Variants in HSDL2 observed in about 807,000 individuals in gnomAD.
HSDL2 encodes the protein hydroxysteroid dehydrogenase-like protein 2.
HSDL2 carries 27 observed loss-of-function variants against 46.3 expected under a neutral mutation model. The ratio of observed to expected loss-of-function variants is 0.58; its 90% CI spans 0.43 to 0.80. HSDL2 has a LOEUF of 0.80. Ranked by LOEUF, HSDL2 falls within the 30% of genes least tolerant of loss-of-function variation. HSDL2 has a pLI of 0.00. For synonymous variants in HSDL2, 153 were observed against 163.6 expected (o/e 0.94, Z 0.50); for missense variants, 451 against 502.7 (o/e 0.90, Z 0.98).
chr9:112,435,616 G>A (rs1832507822), intron 6 of HSDL2, among the ~76,000 whole-genome samples: 1 of 152,058 alleles, frequency 6.6e-6, no homozygotes, highest in Non-Finnish European at 1.5e-5. Context: ...CCTACCTCAG[G>A]GTTCTAAGAA....
At position 112,432,571 on chromosome 9, in the gene HSDL2, G is replaced by C. The variant is rs556114098; in HGVS notation, c.599-5860G>C. Among the ~76,000 whole-genome samples the C allele has an allele frequency of 2.0e-5, 3 of 152,312 alleles. No homozygotes were observed. The South Asian group carries it at 6.2e-4, about 32-fold the overall frequency. The stretch of plus-strand genomic sequence containing the variant: ...AATGTTCTGTATCAGGGAATATAGA[G>C]GGCATTATCTGGTCCAGCAGGAAAA... On this transcript the variant is annotated intron_variant, in intron 6 of 10. Transcript: ENST00000398805.
At chr9:112,397,387 A>T (rs1366157573) in intron 1 of HSDL2, among the ~76,000 whole-genome samples, 3 of 152,236 alleles carry the variant, frequency 2.0e-5, no homozygotes, top group African/African-American at 7.2e-5. Flanking sequence ...TAACATGCTA[A>T]CATACAAAGG....
At chr9:112,406,900 A>G (rs1278759982) in intron 3 of HSDL2, among the ~76,000 whole-genome samples, 1 of 152,160 alleles carries the variant, frequency 6.6e-6, no homozygotes, top group Non-Finnish European at 1.5e-5. Context: ...CTTTCATGGT[A>G]TTATAGTAGG....
At chr9:112,439,978 T>C (rs911350431) in intron 7 of HSDL2, among the ~76,000 whole-genome samples, 1 of 152,232 alleles carries the variant, frequency 6.6e-6, no homozygotes, top group African/African-American at 2.4e-5. Flanking sequence ...TTTGGCACAG[T>C]GCCCAGCATA....
intron 6 of HSDL2, among the ~76,000 whole-genome samples, chr9:112,427,008 C>T (rs1459632323): frequency 6.6e-6 from 1 of 152,142 alleles, no homozygotes; most frequent in African/African-American, 2.4e-5. Flanking sequence ...TTTAACTCCA[C>T]TTCTAACCTC....
intron 1 of HSDL2, among the ~76,000 whole-genome samples, chr9:112,387,036 T>G (rs1165967771): frequency 1.3e-5 from 2 of 152,102 alleles, no homozygotes; most frequent in Non-Finnish European, 2.9e-5. Flanking sequence ...AGGCCAACCA[T>G]AAGAAAAACT....
At chr9:112,456,744 T>C (rs1833038870) in intron 9 of HSDL2, among the ~76,000 whole-genome samples, 1 of 152,178 alleles carries the variant, frequency 6.6e-6, no homozygotes, top group Non-Finnish European at 1.5e-5. Context: ...CCTGAAAACG[T>C]CCAAAACAAC....
intron 6 of HSDL2, among the ~76,000 whole-genome samples, chr9:112,425,903 T>C (rs919015630): frequency 2.2e-5 from 3 of 138,394 alleles, no homozygotes; most frequent in African/African-American, 8.1e-5. Flanking sequence ...AGTTTTTCAG[T>C]TTTTGTGTGT....
intron 6 of HSDL2, among the ~76,000 whole-genome samples, chr9:112,420,537 G>A (rs1832096056): frequency 6.6e-6 from 1 of 151,514 alleles, no homozygotes; most frequent in African/African-American, 2.4e-5. Context: ...AAAAAACCTA[G>A]CTAGGTGTAG....
At chr9:112,381,088 T>TACACACACACTCAC (rs1831079764) in intron 1 of HSDL2, among the ~76,000 whole-genome samples, 1 of 134,154 alleles carries the variant, frequency 7.5e-6, no homozygotes, top group African/African-American at 2.9e-5. Context: ...TACATCCGGA[T>TACACACACACTCAC]ACACACACAC....
intron 6 of HSDL2, among the ~76,000 whole-genome samples, chr9:112,424,069 C>T (rs1228839446): frequency 6.6e-6 from 1 of 151,504 alleles, no homozygotes; most frequent in Non-Finnish European, 1.5e-5. Context: ...GCCTGTAATC[C>T]CAGCACTTTA....
intron 6 of HSDL2, chr9:112,433,680 G>A (rs1832457038): frequency 6.6e-6 from 1 of 152,064 alleles, no homozygotes. Context: ...GATTTGAGAG[G>A]GTGTTCAGGC....
chr9:112,415,209 A>C (rs1299583271), intron 4 of HSDL2, among the ~76,000 whole-genome samples: 2 of 152,234 alleles, frequency 1.3e-5, no homozygotes, highest in East Asian at 3.8e-4. Context: ...TATATTGGTG[A>C]AAATTAAATT....
chr9:112,468,368 TCTC>T (rs1325994568), intron 10 of HSDL2, among the ~76,000 whole-genome samples: 1 of 152,218 alleles, frequency 6.6e-6, no homozygotes, highest in African/African-American at 2.4e-5. Flanking sequence ...ATCACTCATT[TCTC>T]CTATTACACA....
chr9:112,470,220 T>C (rs1163438738), intron 10 of HSDL2, among the ~76,000 whole-genome samples: 1 of 152,216 alleles, frequency 6.6e-6, no homozygotes, highest in Non-Finnish European at 1.5e-5. Context: ...CTGATTGTTG[T>C]TTTTATGCTA....
intron 10 of HSDL2, among the ~76,000 whole-genome samples, chr9:112,468,287 A>G (rs973460533): frequency 6.6e-6 from 1 of 152,030 alleles, no homozygotes; most frequent in Non-Finnish European, 1.5e-5. Flanking sequence ...AAAAGTTCTT[A>G]TATTATTTCT....
chr9:112,404,008 T>G lies in HSDL2; in HGVS notation c.31T>G (p.Cys11Gly). 6.2e-7 allele frequency: 1 copy of G among 1,614,054 alleles called. No individual in the cohort carries two copies. Among genetic ancestry groups the G allele is most frequent in the Non-Finnish European group, 8.5e-7 (1 of 1,179,956 alleles). Residue 11 changes from cysteine to glycine, a missense_variant, in exon 2 of 11, where the codon TGT becomes GGT. By Grantham distance (159) the Cys-to-Gly change is radical (BLOSUM62 -3). Transcript: ENST00000398805. Reference sequence around the variant, plus strand: ...GTTCTGTTGTAGGAGGCTGGCAGGATGTACAGTTTTTATCACAGGTGCAAG... The same window carrying G: ...GTTCTGTTGTAGGAGGCTGGCAGGAGGTACAGTTTTTATCACAGGTGCAAG... MLPNTGRLAG[C>G]TVFITGASRG... is the part of the protein sequence containing the mutation.
intron 3 of HSDL2, among the ~76,000 whole-genome samples, chr9:112,406,998 T>C (rs1334242303): frequency 6.6e-6 from 1 of 152,166 alleles, no homozygotes; most frequent in African/African-American, 2.4e-5. Flanking sequence ...TGAGGGACAA[T>C]GGCCAGTGGA....
chr9:112,432,488 T>C (rs1193448882), intron 6 of HSDL2, among the ~76,000 whole-genome samples: 1 of 152,240 alleles, frequency 6.6e-6, no homozygotes, highest in Non-Finnish European at 1.5e-5. Context: ...ATGTGCAATA[T>C]GATTACCTTC....
Sources: allele counts gnomAD v4.1 joint callset (sites outside exome capture counted in the v4.1 genomes callset), GRCh38; gene constraint gnomAD v4.1.1; transcripts MANE v1.5; gene names NCBI Gene and HGNC (gene_info 2026-07-23, HGNC 2026-07-21).